The following HDAC4 variants were observed in gnomAD, a reference collection of about 807,000 sequenced individuals.
The protein encoded by HDAC4 is histone deacetylase 4.
HDAC4 carries 16 observed loss-of-function variants against 135.1 expected under a neutral mutation model. The observed-to-expected ratio is 0.12, with a 90% CI of 0.08 to 0.18. HDAC4 has a LOEUF of 0.18. HDAC4 is among the 10% of genes least tolerant of loss of function. The pLI is 1.00. For synonymous variants in HDAC4, 685 were observed against 653.4 expected, an observed-to-expected ratio of 1.05 and a Z score of -0.74; for missense variants, 1,143 against 1,511.8, an observed-to-expected ratio of 0.76 and a Z score of 4.05.
chr2:239,115,194 C>T lies in HDAC4; in HGVS notation c.1650G>A (p.Pro550=), dbSNP rs1045532125. 21 of 1,611,080 alleles carry T rather than the reference C, an allele frequency of 1.3e-5. No homozygotes were observed. The Admixed American group carries it at 1.3e-4, about 10-fold the overall frequency. Residue 550 remains proline (P), a synonymous_variant, in exon 13 of 27, where the codon CCG becomes CCA. Coordinates refer to ENST00000543185, the MANE Select transcript of HDAC4 (RefSeq NM_001378414.1). The surrounding 1 kb of genome is among the most constrained non-coding windows in gnomAD (Gnocchi z 6.3). ...CCTGTGCGTGCGCCTCCTTCTGCCCCGGCAGCCGGTCCAGGTAGGGCTCGT... is the reference window on the plus strand; with the variant it reads ...CCTGTGCGTGCGCCTCCTTCTGCCCTGGCAGCCGGTCCAGGTAGGGCTCGT... ...LLDEPYLDRL[P]GQKEAHAQAG...
At chr2:239,319,527 C>T (rs2053237305) in intron 2 of HDAC4, among the ~76,000 whole-genome samples, 1 of 152,220 alleles carries the variant, frequency 6.6e-6, no homozygotes, top group African/African-American at 2.4e-5. Context: ...TGTGGCCGTG[C>T]TGGAGGTCAC....
At chr2:239,214,047 ATGTG>A (rs1195041136) in intron 3 of HDAC4, among the ~76,000 whole-genome samples, 2 of 152,234 alleles carry the variant, frequency 1.3e-5, no homozygotes, top group African/African-American at 4.8e-5. Context: ...CTTGTGCTTG[ATGTG>A]TGTGACACGT....
chr2:239,323,582 G>A (rs1376658282), intron 2 of HDAC4, among the ~76,000 whole-genome samples: 1 of 152,214 alleles, frequency 6.6e-6, no homozygotes, highest in Non-Finnish European at 1.5e-5. Context: ...GGTGAGAGAG[G>A]AGGCGTCTGG....
chr2:239,265,291 C>A (rs1271623455), intron 2 of HDAC4, among the ~76,000 whole-genome samples: 1 of 152,218 alleles, frequency 6.6e-6, no homozygotes, highest in African/African-American at 2.4e-5. Flanking sequence ...AGTCATAAAA[C>A]CCTCCCCTTC....
chr2:239,226,737 C>T (rs890734111), intron 3 of HDAC4, among the ~76,000 whole-genome samples: 19 of 152,202 alleles, frequency 1.2e-4, no homozygotes, highest in Admixed American at 6.5e-5. Flanking sequence ...TTCTATCTTT[C>T]TGCCTCAGGC....
intron 1 of HDAC4, among the ~76,000 whole-genome samples, chr2:239,392,354 T>C (rs1696283973): frequency 6.6e-6 from 1 of 152,236 alleles, no homozygotes; most frequent in Admixed American, 6.5e-5. Flanking sequence ...CACAGAGCCC[T>C]TGAGCTGGCA....
Position 239,054,730 on chromosome 2 carries a change from A to C in HDAC4, c.3088+19T>G. 6.4e-7 allele frequency: 1 copy of C among 1,563,254 alleles called. No homozygotes were observed. Among genetic ancestry groups the C allele is most frequent in the South Asian group, 1.1e-5 (1 of 90,090 alleles). On this transcript the variant is annotated intron_variant, in intron 25 of 26. Coordinates refer to ENST00000543185, the MANE Select transcript of HDAC4 (RefSeq NM_001378414.1). ...CCCCAGGGGCGTGTCCCCTGTGAGCACCCAGCCAGGCAACTTACTGTGGAT... is the reference window on the plus strand; with the variant it reads ...CCCCAGGGGCGTGTCCCCTGTGAGCCCCCAGCCAGGCAACTTACTGTGGAT...
At chr2:239,254,615 C>T (rs917437158) in intron 2 of HDAC4, among the ~76,000 whole-genome samples, 12 of 151,776 alleles carry the variant, frequency 7.9e-5, no homozygotes, top group African/African-American at 2.9e-4. Flanking sequence ...CAGAATGCAG[C>T]ACAAAGATAG....
intron 2 of HDAC4, among the ~76,000 whole-genome samples, chr2:239,281,331 TGCAA>T (rs1161289844): frequency 4.8e-3 from 489 of 101,138 alleles, no homozygotes; most frequent in Non-Finnish European, 8.8e-3. Flanking sequence ...CACACCACTC[TGCAA>T]ACAATGTACA....
intron 1 of HDAC4, among the ~76,000 whole-genome samples, chr2:239,366,256 AACAT>A (rs1365155012): frequency 1.5e-5 from 2 of 136,032 alleles, no homozygotes; most frequent in Non-Finnish European, 3.2e-5. Flanking sequence ...GACACACACA[AACAT>A]GCATGCACAG....
rs1246181276 is a variant in HDAC4 at position 239,307,778 on chromosome 2, G to A, written c.22+44900C>T. On this transcript the variant is annotated intron_variant, in intron 2 of 26. Coordinates refer to ENST00000543185, the MANE Select transcript of HDAC4 (RefSeq NM_001378414.1). This position sits in a 1 kb window ranked among gnomAD's most constrained non-coding sequence, Gnocchi z 4.8. ...ACAAGCAAAATGGAATGAGGATGTC[G>A]GAGTGTTTCGTGCTTTCTTTCCAGA... Among the ~76,000 whole-genome samples the A allele has an allele frequency of 6.6e-6, 1 of 152,130 alleles. No homozygotes were observed. The highest frequency in any genetic ancestry group is 1.5e-5 in the Non-Finnish European group (1 of 68,032).
At chr2:239,090,431 C>CTT (rs76486832) in intron 17 of HDAC4, among the ~76,000 whole-genome samples, 4 of 132,584 alleles carry the variant, frequency 3.0e-5, no homozygotes, top group South Asian at 2.4e-4. Context: ...GATCTATTTC[C>CTT]TTTTTTTTTT....
At chr2:239,261,049 G>A (rs2049332467) in intron 2 of HDAC4, among the ~76,000 whole-genome samples, 1 of 152,208 alleles carries the variant, frequency 6.6e-6, no homozygotes, top group Non-Finnish European at 1.5e-5. Flanking sequence ...GCGGCACTAA[G>A]GTTTCAGGTG....
chr2:239,230,538 G>A (rs975565494), intron 3 of HDAC4, among the ~76,000 whole-genome samples: 5 of 151,958 alleles, frequency 3.3e-5, no homozygotes, highest in Admixed American at 6.6e-5. Context: ...AAGCAGTCAC[G>A]GCAGGCGCCG....
At chr2:239,387,530 G>A (rs866806855) in intron 1 of HDAC4, among the ~76,000 whole-genome samples, 1 of 152,236 alleles carries the variant, frequency 6.6e-6, no homozygotes, top group Non-Finnish European at 1.5e-5. Context: ...GACAGGACGA[G>A]GCACAGCACT....
At chr2:239,093,929 G>A in intron 17 of HDAC4, 4 of 983,708 alleles carry the variant, frequency 4.1e-6, no homozygotes, top group Non-Finnish European at 4.8e-6. Flanking sequence ...AGGAGGGCTT[G>A]GTGGTGGTAT....
chr2:239,099,133 C>T (rs1483351283), intron 16 of HDAC4, among the ~76,000 whole-genome samples: 1 of 152,194 alleles, frequency 6.6e-6, no homozygotes, highest in East Asian at 1.9e-4. Flanking sequence ...GAAACCTAAG[C>T]AAGGTGGTGG....
intron 3 of HDAC4, among the ~76,000 whole-genome samples, chr2:239,196,378 C>A (rs1321799353): frequency 6.6e-6 from 1 of 152,212 alleles, no homozygotes; most frequent in African/African-American, 2.4e-5. Context: ...ACCACATGCA[C>A]CCCCTACCCC....
chr2:239,264,661 C>G (rs73100733), intron 2 of HDAC4, among the ~76,000 whole-genome samples: 1 of 152,152 alleles, frequency 6.6e-6, no homozygotes, highest in Non-Finnish European at 1.5e-5. Flanking sequence ...ATGCAACAGT[C>G]GAAGAATAGA....
Sources: gnomAD v4.1 joint callset for allele counts (sites outside exome capture counted in the v4.1 genomes callset) on GRCh38, gnomAD v4.1.1 for gene constraint, Gnocchi (gnomAD v3.1) non-coding constraint, MANE v1.5 for transcripts, NCBI Gene and HGNC (gene_info 2026-07-23, HGNC 2026-07-21) for gene names.